Variants in PTBP3 observed in about 807,000 individuals in gnomAD.
PTBP3 encodes the protein polypyrimidine tract-binding protein 3.
A neutral mutation model predicts 58.7 loss-of-function variants in PTBP3; 20 were observed. The ratio of observed to expected loss-of-function variants is 0.34; its 90% confidence interval spans 0.24 to 0.50. The LOEUF is 0.50. Among genes scored for constraint, PTBP3 ranks in the 20% least tolerant of loss-of-function variants. PTBP3 has a pLI of 0.98. For missense variants in PTBP3, 509 were observed against 637.2 expected (o/e 0.80, Z 2.17); for synonymous variants, 185 against 219.8 (o/e 0.84, Z 1.40).
At chr9:112,274,807 C>T (rs1004442669) in intron 3 of PTBP3, among the ~76,000 whole-genome samples, 4 of 152,190 alleles carry the variant, frequency 2.6e-5, no homozygotes, top group Non-Finnish European at 5.9e-5. Flanking sequence ...GGTAAATCCC[C>T]AAACAAACCA....
upstream of PTBP3, among the ~76,000 whole-genome samples, chr9:112,335,069 A>C (rs1462510862): frequency 6.6e-6 from 1 of 152,180 alleles, no homozygotes; most frequent in African/African-American, 2.4e-5. Flanking sequence ...TGTATTTGGG[A>C]TATATTCTGT....
At chr9:112,293,314 A>G (rs1008268753) in intron 2 of PTBP3, among the ~76,000 whole-genome samples, 2 of 152,236 alleles carry the variant, frequency 1.3e-5, no homozygotes, top group African/African-American at 2.4e-5. Flanking sequence ...ATTATATGGT[A>G]TATGTATGTC....
chr9:112,261,822 G>A (rs375836132), intron 5 of PTBP3, among the ~76,000 whole-genome samples: 2 of 152,196 alleles, frequency 1.3e-5, no homozygotes, highest in African/African-American at 2.4e-5. Context: ...CTTCAATTAC[G>A]CTCTACAATA....
chr9:112,308,746 C>G (rs1228726863), intron 1 of PTBP3, among the ~76,000 whole-genome samples: 1 of 151,826 alleles, frequency 6.6e-6, no homozygotes, highest in East Asian at 1.9e-4. Context: ...CAGGTGCTGG[C>G]TGCAAACAAC....
chr9:112,328,088 C>T (rs1004603589), intron 1 of PTBP3, among the ~76,000 whole-genome samples: 2 of 152,036 alleles, frequency 1.3e-5, no homozygotes, highest in Non-Finnish European at 2.9e-5. Context: ...TTTAAAAGTC[C>T]ATATTACTCT....
intron 6 of PTBP3, 108 bp downstream of exon 6, chr9:112,252,568 CAT>C (rs1384632991): frequency 4.0e-6 from 3 of 742,216 alleles, no homozygotes; most frequent in Non-Finnish European, 6.8e-6. Context: ...AAATGGTAAA[CAT>C]GTATATTTTG....
intron 1 of PTBP3, 39 bp downstream of exon 1, chr9:112,333,431 A>T: frequency 6.4e-7 from 1 of 1,567,092 alleles, no homozygotes; most frequent in Non-Finnish European, 8.6e-7. Flanking sequence ...AGCGGCGCCA[A>T]GGCAACCCGG....
chr9:112,263,912 A>C (rs1836696424), intron 4 of PTBP3, among the ~76,000 whole-genome samples: 1 of 152,146 alleles, frequency 6.6e-6, no homozygotes, highest in Non-Finnish European at 1.5e-5. Context: ...ACTTTTTTCT[A>C]AGTTTGTGAT....
chr9:112,359,304 G>C, the PTBP3 span, among the ~76,000 whole-genome samples: 1 of 151,882 alleles, frequency 6.6e-6, no homozygotes, highest in Admixed American at 6.6e-5. Context: ...AAAATTAGCC[G>C]GGTATGATGG....
At chr9:112,289,152 T>C (rs1254817248) in intron 2 of PTBP3, among the ~76,000 whole-genome samples, 2 of 152,176 alleles carry the variant, frequency 1.3e-5, no homozygotes, top group African/African-American at 2.4e-5. Flanking sequence ...CCCTTAAGTG[T>C]CTTTATAAGG....
At chr9:112,332,317 T>C (rs1830407901) in intron 1 of PTBP3, among the ~76,000 whole-genome samples, 1 of 152,244 alleles carries the variant, frequency 6.6e-6, no homozygotes, top group Admixed American at 6.5e-5. Context: ...AAATGTCATA[T>C]ACACTTAATA....
intron 10 of PTBP3, among the ~76,000 whole-genome samples, chr9:112,230,395 A>T (rs1208418558): frequency 6.6e-6 from 1 of 152,190 alleles, no homozygotes; most frequent in East Asian, 1.9e-4. Context: ...AATGAAGCAT[A>T]TCAGTGAGTT....
chr9:112,351,948 T>C, the PTBP3 span, among the ~76,000 whole-genome samples: 1 of 145,362 alleles, frequency 6.9e-6, no homozygotes, highest in African/African-American at 2.5e-5. Flanking sequence ...GGAACTCTAG[T>C]TCCTTTTTTT....
chr9:112,221,728 T>G lies in PTBP3; in HGVS notation c.*2123A>C, dbSNP rs1366630969. 1.0e-6 allele frequency: 1 copy of G among 985,030 alleles called. No individual in the cohort carries two copies. Among genetic ancestry groups the G allele is most frequent in the African/African-American group, 1.7e-5 (1 of 57,238 alleles). The allele number at this position is 985,030 out of a possible 1,614,324, so 61.0% of individuals were successfully genotyped here. On this transcript the variant is annotated 3_prime_UTR_variant, in exon 14 of 14. Transcript: ENST00000374257. Reference sequence around the variant, plus strand: ...ACTGATCCATTTGAAAAGTCTTAACTTAGTATCCCTCCTTTCTATTCTACC... The same window carrying G: ...ACTGATCCATTTGAAAAGTCTTAACGTAGTATCCCTCCTTTCTATTCTACC...
intron 1 of PTBP3, among the ~76,000 whole-genome samples, chr9:112,306,590 A>ATATATG (rs1829224625): frequency 2.0e-5 from 2 of 99,644 alleles, no homozygotes; most frequent in Admixed American, 2.4e-4. Context: ...AAATTTGTAT[A>ATATATG]TATATATATA....
chr9:112,296,332 T>C (rs771176025), intron 2 of PTBP3, among the ~76,000 whole-genome samples: 4 of 152,088 alleles, frequency 2.6e-5, no homozygotes, highest in Non-Finnish European at 4.4e-5. Context: ...TTCGTACCAT[T>C]GTTCTAGTAT....
chr9:112,245,217 T>G (rs1454892815), intron 7 of PTBP3, among the ~76,000 whole-genome samples: 1 of 152,050 alleles, frequency 6.6e-6, no homozygotes, highest in African/African-American at 2.4e-5. Context: ...GGCTGAGGCA[T>G]GAGAACTGCT....
At chr9:112,266,105 G>A (rs1358000898) in intron 4 of PTBP3, among the ~76,000 whole-genome samples, 3 of 152,122 alleles carry the variant, frequency 2.0e-5, no homozygotes, top group Non-Finnish European at 4.4e-5. Context: ...TGGGAGGGAG[G>A]AAGGAATAGG....
chr9:112,337,601 T>G (rs1158234380), upstream of PTBP3, among the ~76,000 whole-genome samples: 1 of 152,220 alleles, frequency 6.6e-6, no homozygotes, highest in Non-Finnish European at 1.5e-5. Flanking sequence ...AGTTACATTT[T>G]CTCTATTTGC....
Sources: allele counts gnomAD v4.1 joint callset (sites outside exome capture counted in the v4.1 genomes callset), GRCh38; gene constraint gnomAD v4.1.1; transcripts MANE v1.5; gene names NCBI Gene and HGNC (gene_info 2026-07-23, HGNC 2026-07-21).